Variants in IQSEC1 observed in about 807,000 individuals in gnomAD.
IQSEC1 encodes IQ motif and SEC7 domain-containing protein 1.
IQSEC1 carries 31 observed loss-of-function variants against 91.0 expected under a neutral mutation model. The observed-to-expected ratio is 0.34, with a 90% CI of 0.26 to 0.46. IQSEC1 has a LOEUF of 0.46. Among genes scored for constraint, IQSEC1 ranks in the 20% least tolerant of loss-of-function variants. The pLI is 1.00. For missense variants in IQSEC1, 1,388 were observed against 1,575.6 expected (o/e 0.88, Z 2.02); for synonymous variants, 699 against 662.6 (o/e 1.05, Z -0.84).
Position 13,073,047 on chromosome 3 carries a change from C to T in IQSEC1, c.-33G>A. ...GAATCCGTTCTTCCCTGTTCTGGCT[C>T]CCTCTCCAGCGGGGAGGCTCAACGT... On this transcript the variant is annotated 5_prime_UTR_variant, in exon 1 of 14. Transcript: ENST00000613206. 1 of 1,551,698 alleles carries T rather than the reference C, an allele frequency of 6.4e-7. No individual in the cohort carries two copies. Among genetic ancestry groups the T allele is most frequent in the Non-Finnish European group, 8.7e-7 (1 of 1,146,926 alleles).
chr3:13,110,276 T>C (rs1706221766), intron 2 of IQSEC1, among the ~76,000 whole-genome samples: 1 of 152,032 alleles, frequency 6.6e-6, no homozygotes, highest in South Asian at 2.1e-4. Context: ...TTATTTTCCG[T>C]AGGCCTGAAA....
At chr3:13,191,424 C>T (rs1384614087) in intron 1 of IQSEC1, among the ~76,000 whole-genome samples, 2 of 151,004 alleles carry the variant, frequency 1.3e-5, no homozygotes, top group East Asian at 2.0e-4. Flanking sequence ...CACCAGGACT[C>T]GTGAGCACAT....
At chr3:12,904,197 A>C (rs896036149) in intron 12 of IQSEC1, among the ~76,000 whole-genome samples, 2 of 152,176 alleles carry the variant, frequency 1.3e-5, no homozygotes, top group Non-Finnish European at 2.9e-5. Flanking sequence ...GTGCCTTGGC[A>C]TGGCTTCGGC....
chr3:12,938,213 A>G (rs981811817), intron 2 of IQSEC1, among the ~76,000 whole-genome samples: 2 of 152,214 alleles, frequency 1.3e-5, no homozygotes, highest in East Asian at 3.8e-4. Context: ...AGATGCCACT[A>G]CATGCTGGGC....
In IQSEC1 at chr3:12,967,630, TCCGGCCCCAAG is replaced by T; in HGVS notation, c.24-25776_24-25766del. On this transcript the variant is annotated intron_variant, in intron 1 of 13. Coordinates refer to ENST00000613206, the MANE Select transcript of IQSEC1 (RefSeq NM_001134382.3). This position sits in a 1 kb window ranked among gnomAD's most constrained non-coding sequence, Gnocchi z 5.9. ...TCCAGCGTCCGCCGGCTCCCGCGGC[TCCGGCCCCAAG>T]TCCGAGCCCCAGGCCAGCCAAGCCC... 8.1e-7 allele frequency: 1 copy of T among 1,231,410 alleles called. No individual in the cohort carries two copies. The highest frequency in any genetic ancestry group is 1.0e-6 in the Non-Finnish European group (1 of 987,880). The allele number at this position is 1,231,410 out of a possible 1,614,324, so 76.3% of individuals were successfully genotyped here. A position where few individuals can be genotyped will look rare whatever the true frequency, so the allele number is the denominator to read the frequency against.
At chr3:13,200,393 C>G (rs17037876) in intron 1 of IQSEC1, among the ~76,000 whole-genome samples, 20,947 of 152,190 alleles carry the variant, frequency 0.14, 3,181 homozygotes, top group African/African-American at 0.36. Flanking sequence ...TCACTGACTT[C>G]GACTTGAGCG....
At chr3:13,159,338 A>T (rs1157533022) in intron 2 of IQSEC1, among the ~76,000 whole-genome samples, 1 of 152,176 alleles carries the variant, frequency 6.6e-6, no homozygotes, top group African/African-American at 2.4e-5. Flanking sequence ...CTGAAGCAGG[A>T]GAATCGCTTG....
intron 1 of IQSEC1, among the ~76,000 whole-genome samples, chr3:13,025,376 G>A (rs1399346334): frequency 6.6e-6 from 1 of 152,270 alleles, no homozygotes; most frequent in African/African-American, 2.4e-5. Context: ...TGTTCCCTGG[G>A]AGATGCTGAT....
chr3:13,033,932 A>C (rs1703937772), intron 1 of IQSEC1, among the ~76,000 whole-genome samples: 1 of 152,194 alleles, frequency 6.6e-6, no homozygotes, highest in Admixed American at 6.5e-5. Context: ...TGGCCTAGGC[A>C]AGGTGACACA....
At chr3:13,045,560 G>C (rs755752594) in intron 1 of IQSEC1, among the ~76,000 whole-genome samples, 10 of 152,334 alleles carry the variant, frequency 6.6e-5, no homozygotes, top group Non-Finnish European at 1.3e-4. Flanking sequence ...CCGATGGAGG[G>C]CTGTGCAGTG....
chr3:13,091,119 C>T (rs9826491), intron 2 of IQSEC1, among the ~76,000 whole-genome samples: 3,286 of 152,126 alleles, frequency 0.022, 137 homozygotes, highest in African/African-American at 0.075. Context: ...CTCGTCACTC[C>T]GGTCTTGACT....
At chr3:13,191,483 T>A in intron 1 of IQSEC1, among the ~76,000 whole-genome samples, 2 of 70,186 alleles carry the variant, frequency 2.8e-5, no homozygotes, top group Non-Finnish European at 6.3e-5. Context: ...GCTAATTTTT[T>A]TTTTTTTTTT....
chr3:13,065,910 G>A (rs1393213477), intron 1 of IQSEC1, among the ~76,000 whole-genome samples: 1 of 151,846 alleles, frequency 6.6e-6, no homozygotes, highest in African/African-American at 2.4e-5. Flanking sequence ...GCTTTAAAAA[G>A]GAAGTTCTGC....
intron 1 of IQSEC1, among the ~76,000 whole-genome samples, chr3:13,204,742 T>C (rs984411679): frequency 2.0e-5 from 3 of 151,978 alleles, no homozygotes; most frequent in Non-Finnish European, 4.4e-5. Flanking sequence ...TCTATCTTAC[T>C]TTCTTTCCTT....
Position 12,998,489 on chromosome 3 carries a change from A to G in IQSEC1, c.24-56624T>C, listed in dbSNP as rs540189308. On this transcript the variant is annotated intron_variant, in intron 1 of 13. Transcript: ENST00000613206. ...ATGTAGGGTATGTTACTTTTTATGTAAGAAAGAGGGAGTAAGCCAGGTGTG... is the reference window on the plus strand; with the variant it reads ...ATGTAGGGTATGTTACTTTTTATGTGAGAAAGAGGGAGTAAGCCAGGTGTG... Among the ~76,000 whole-genome samples, 81 of 152,328 alleles carry G rather than the reference A, an allele frequency of 5.3e-4. 1 individual carries two copies. Among genetic ancestry groups the G allele is most frequent in the Middle Eastern group, 3.4e-3 (1 of 294 alleles).
intron 1 of IQSEC1, chr3:13,022,256 G>A: frequency 3.3e-6 from 4 of 1,223,822 alleles, no homozygotes; most frequent in Non-Finnish European, 4.1e-6. Context: ...CCAAAGTTAG[G>A]GAAAAGAGGA....
intron 1 of IQSEC1, among the ~76,000 whole-genome samples, chr3:12,993,496 GT>G (rs1274805703): frequency 6.6e-6 from 1 of 151,500 alleles, no homozygotes; most frequent in African/African-American, 2.4e-5. Flanking sequence ...GAGAAGCAGG[GT>G]AGTGCGGAGT....
chr3:13,273,137 C>T (rs1017079258), intron 1 of IQSEC1, among the ~76,000 whole-genome samples: 2 of 152,198 alleles, frequency 1.3e-5, no homozygotes, highest in African/African-American at 4.8e-5. Flanking sequence ...GGCTCAGCCA[C>T]AGGCCAGAGA....
intron 1 of IQSEC1, among the ~76,000 whole-genome samples, chr3:13,203,507 GC>G (rs1306167413): frequency 6.6e-6 from 1 of 152,208 alleles, no homozygotes; most frequent in African/African-American, 2.4e-5. Flanking sequence ...TCCTGGTGAT[GC>G]CCCTGCCCCA....
Sources: allele counts gnomAD v4.1 joint callset (sites outside exome capture counted in the v4.1 genomes callset), GRCh38; gene constraint gnomAD v4.1.1; non-coding constraint Gnocchi (gnomAD v3.1); transcripts MANE v1.5; gene names NCBI Gene and HGNC (gene_info 2026-07-23, HGNC 2026-07-21).